The following SLC2A13 variants were observed in gnomAD, a reference collection of about 807,000 sequenced individuals.
The protein encoded by SLC2A13 is proton myo-inositol cotransporter.
In SLC2A13, 32 loss-of-function variants were observed where a neutral mutation model predicts 64.4. The observed-to-expected ratio is 0.50, with a 90% confidence interval of 0.37 to 0.67. The LOEUF (loss-of-function observed/expected upper bound fraction) is 0.67, where lower values mean the gene tolerates loss of function less well. SLC2A13 is among the 30% of genes least tolerant of loss of function. SLC2A13 has a pLI of 0.00. For synonymous variants in SLC2A13, 338 were observed against 327.1 expected (o/e 1.03, Z -0.36); for missense variants, 743 against 829.2 (o/e 0.90, Z 1.28).
intron 4 of SLC2A13, among the ~76,000 whole-genome samples, chr12:39,909,083 T>A (rs1945363784): frequency 6.6e-6 from 1 of 152,036 alleles, no homozygotes; most frequent in African/African-American, 2.4e-5. Context: ...GACATATATG[T>A]ATTTTTCATG....
Position 39,764,583 on chromosome 12 carries a change from A to G in SLC2A13, c.1597T>C (p.Ser533Pro). The change falls in exon 9 of 10, where the codon TCT (serine) becomes CCT (proline). Residue 533 changes from serine to proline, a missense_variant. By Grantham distance (74) the Ser-to-Pro change is moderately conservative. This residue lies in a region of SLC2A13 where 295 missense variants were observed against 381.7 expected (regional missense o/e 0.77). Transcript: ENST00000280871. ...CTTGCCCAAAGGGGATATATTTCAG[A>G]ATTCACAGTCCAAGGCATTGGTCCC... ...GMGPMPWTVN[S>P]EIYPLWARST... The G allele has an allele frequency of 6.2e-7, 1 of 1,608,584 alleles. No homozygotes were observed. Among genetic ancestry groups the G allele is most frequent in the Non-Finnish European group, 8.5e-7 (1 of 1,178,418 alleles).
chr12:40,095,513 T>C lies in SLC2A13; in HGVS notation c.556+9740A>G, dbSNP rs1386394296. On this transcript the variant is annotated intron_variant, in intron 1 of 9. Coordinates refer to ENST00000280871, the MANE Select transcript of SLC2A13 (RefSeq NM_052885.4). ...TTGCAGGATATGTGTATCTAAGGTC[T>C]ACACATTTTTGTGTTTAATGTCAAT... 6.6e-5 allele frequency among the ~76,000 whole-genome samples: 10 copies of C among 152,272 alleles called. 1 individual carries two copies. Among genetic ancestry groups the C allele is most frequent in the Admixed American group, 5.9e-4 (9 of 15,286 alleles).
At position 40,075,332 on chromosome 12, in the gene SLC2A13, C is replaced by T. The variant is rs74892295; in HGVS notation, c.557-27122G>A. Among the ~76,000 whole-genome samples the T allele has an allele frequency of 1.3e-3, 196 of 152,250 alleles. 4 individuals are homozygous for T. In the East Asian group the frequency reaches 0.033, roughly 26 times the overall value. ...GTTTTCCTATACAAGCAATGTTTCC[C>T]ATGGAAGACTTTGTTAATTGGTTAT... On this transcript the variant is annotated intron_variant, in intron 1 of 9. Transcript: ENST00000280871.
rs532340576 is a variant in SLC2A13, at chr12:39,956,992, A to G, written c.926-5627T>C. 9.0e-4 allele frequency among the ~76,000 whole-genome samples: 137 copies of G among 152,240 alleles called. 2 individuals are homozygous for G. Among genetic ancestry groups the G allele is most frequent in the African/African-American group, 3.0e-3 (125 of 41,538 alleles). Reference sequence around the variant, plus strand: ...TTTAGGGCCCTATAATTGGGCTACAATCAAGCACAGCAAGATCCCCCAACA... The same window carrying G: ...TTTAGGGCCCTATAATTGGGCTACAGTCAAGCACAGCAAGATCCCCCAACA... On this transcript the variant is annotated intron_variant, in intron 3 of 9. Transcript: ENST00000280871.
chr12:39,762,983 T>A (rs1255428432), intron 9 of SLC2A13, among the ~76,000 whole-genome samples: 4 of 152,050 alleles, frequency 2.6e-5, no homozygotes, highest in Non-Finnish European at 5.9e-5. Context: ...AAAAGTATAA[T>A]CATGTAAACT....
At chr12:39,986,251 T>C (rs1409629947) in intron 3 of SLC2A13, among the ~76,000 whole-genome samples, 1 of 152,014 alleles carries the variant, frequency 6.6e-6, no homozygotes, top group Non-Finnish European at 1.5e-5. Flanking sequence ...TTTCAATATA[T>C]GAATTGGGGT....
intron 6 of SLC2A13, among the ~76,000 whole-genome samples, chr12:39,855,430 G>T (rs892591012): frequency 1.3e-5 from 2 of 152,154 alleles, no homozygotes; most frequent in African/African-American, 4.8e-5. Context: ...CTCTCATGTA[G>T]GAAGCCTTCT....
intron 4 of SLC2A13, among the ~76,000 whole-genome samples, chr12:39,912,455 T>G (rs1490923676): frequency 6.6e-6 from 1 of 151,836 alleles, no homozygotes; most frequent in African/African-American, 2.4e-5. Context: ...ACTTAGCAAA[T>G]AAAACAAACA....
In SLC2A13 at chr12:39,927,537, G is replaced by A. The variant is rs577658983; in HGVS notation, c.1034+23720C>T. ...TAAAATGTTTAATACTCCAAATTGC[G>A]TGTTCATTATATGTGGTCTACATTA... On this transcript the variant is annotated intron_variant, in intron 4 of 9. Transcript: ENST00000280871. 1.1e-4 allele frequency among the ~76,000 whole-genome samples: 17 copies of A among 151,988 alleles called. No homozygotes were observed. The East Asian group carries it at 1.4e-3, about 12-fold the overall frequency.
chr12:39,896,501 T>C (rs1944903034), intron 4 of SLC2A13, among the ~76,000 whole-genome samples: 1 of 147,246 alleles, frequency 6.8e-6, no homozygotes, highest in Non-Finnish European at 1.5e-5. Flanking sequence ...TACACATATA[T>C]GTATGTACAT....
chr12:39,817,085 T>G (rs1942361171), intron 7 of SLC2A13, among the ~76,000 whole-genome samples: 1 of 152,166 alleles, frequency 6.6e-6, no homozygotes, highest in South Asian at 2.1e-4. Flanking sequence ...TCTCTTTTCA[T>G]AACAGCAAAA....
At chr12:39,828,422 G>A (rs1452289874) in intron 7 of SLC2A13, among the ~76,000 whole-genome samples, 7 of 151,886 alleles carry the variant, frequency 4.6e-5, no homozygotes. Context: ...CAAATAAAAT[G>A]TAAGAGTGAG....
intron 6 of SLC2A13, among the ~76,000 whole-genome samples, chr12:39,846,790 T>TG (rs1943327032): frequency 6.6e-6 from 1 of 151,994 alleles, no homozygotes; most frequent in South Asian, 2.1e-4. Flanking sequence ...ACTGGTAAAA[T>TG]GGGGAAAATA....
chr12:39,941,078 T>C (rs1946016694), intron 4 of SLC2A13, among the ~76,000 whole-genome samples: 1 of 151,868 alleles, frequency 6.6e-6, no homozygotes, highest in Admixed American at 6.6e-5. Flanking sequence ...TTCCATCATA[T>C]ATATATGATT....
At chr12:40,080,764 T>C (rs1428565694) in intron 1 of SLC2A13, among the ~76,000 whole-genome samples, 3 of 152,214 alleles carry the variant, frequency 2.0e-5, no homozygotes, top group Non-Finnish European at 4.4e-5. Context: ...TAGGTTGTTA[T>C]GCAGACTTGA....
intron 1 of SLC2A13, among the ~76,000 whole-genome samples, chr12:40,095,334 G>C (rs949444090): frequency 6.6e-6 from 1 of 152,126 alleles, no homozygotes; most frequent in Non-Finnish European, 1.5e-5. Flanking sequence ...AAAGGGAAGA[G>C]TAAAAAAACA....
chr12:40,074,245 A>T (rs1938079638), intron 1 of SLC2A13, among the ~76,000 whole-genome samples: 1 of 150,898 alleles, frequency 6.6e-6, no homozygotes, highest in Non-Finnish European at 1.5e-5. Context: ...AGCTCACAGC[A>T]GACTCCAAAT....
chr12:39,811,554 C>CT (rs1421504927), intron 7 of SLC2A13, among the ~76,000 whole-genome samples: 1 of 151,934 alleles, frequency 6.6e-6, no homozygotes, highest in Non-Finnish European at 1.5e-5. Flanking sequence ...TTGTGATGTC[C>CT]TTTTTTACAG....
At chr12:39,845,116 T>C (rs1943271729) in intron 6 of SLC2A13, among the ~76,000 whole-genome samples, 1 of 152,096 alleles carries the variant, frequency 6.6e-6, no homozygotes, top group African/African-American at 2.4e-5. Flanking sequence ...AATTTGAATA[T>C]CTAGTATCTG....
Sources: gnomAD v4.1 joint callset for allele counts (sites outside exome capture counted in the v4.1 genomes callset) on GRCh38, gnomAD v4.1.1 for gene constraint, gnomAD v4.1.1 regional missense constraint, MANE v1.5 for transcripts, NCBI Gene and HGNC (gene_info 2026-07-23, HGNC 2026-07-21) for gene names.